The following FBLN5 variants were observed in gnomAD, a reference collection of about 807,000 sequenced individuals.
FBLN5 encodes the protein fibulin 5.
FBLN5 carries 24 observed loss-of-function variants against 61.6 expected under a neutral mutation model. The ratio of observed to expected loss-of-function variants is 0.39; its 90% CI spans 0.28 to 0.55. The LOEUF is 0.55. FBLN5 is among the 20% of genes least tolerant of loss of function. The probability of loss-of-function intolerance (pLI) is 0.65; values close to 1 mark genes in which losing one functional copy is unlikely to be tolerated. For synonymous variants in FBLN5, 213 were observed against 219.8 expected, an observed-to-expected ratio of 0.97 and a Z score of 0.27; for missense variants, 470 against 594.1, an observed-to-expected ratio of 0.79 and a Z score of 2.17.
At chr14:91,872,194 A>G (rs1292590513) in intron 10 of FBLN5, among the ~76,000 whole-genome samples, 1 of 152,216 alleles carries the variant, frequency 6.6e-6, no homozygotes, top group Non-Finnish European at 1.5e-5. Flanking sequence ...AGGGTTACCC[A>G]GCTAGTCTTG....
chr14:91,931,937 T>A (rs1170893982), intron 4 of FBLN5, among the ~76,000 whole-genome samples: 1 of 152,106 alleles, frequency 6.6e-6, no homozygotes, highest in African/African-American at 2.4e-5. Flanking sequence ...CACCACACCA[T>A]CCTCAGCCCC....
At chr14:91,909,542 G>A (rs1890832918) in intron 4 of FBLN5, among the ~76,000 whole-genome samples, 1 of 152,158 alleles carries the variant, frequency 6.6e-6, no homozygotes, top group Non-Finnish European at 1.5e-5. Flanking sequence ...TGGAGCTTTT[G>A]GGAGGTAAAT....
intron 4 of FBLN5, among the ~76,000 whole-genome samples, chr14:91,898,919 A>C (rs1489726995): frequency 6.8e-6 from 1 of 147,900 alleles, no homozygotes; most frequent in Non-Finnish European, 1.5e-5. Context: ...CTTCTGCCTC[A>C]GCCTCCCGAG....
chr14:91,885,249 A>G (rs1156558430), intron 7 of FBLN5, among the ~76,000 whole-genome samples: 1 of 152,246 alleles, frequency 6.6e-6, no homozygotes, highest in Non-Finnish European at 1.5e-5. Context: ...GAGAACATGG[A>G]GGACAAGTTG....
chr14:91,942,213 T>C, intron 2 of FBLN5: 1 of 455,756 alleles, frequency 2.2e-6, no homozygotes, highest in Non-Finnish European at 4.4e-6. Flanking sequence ...TGCAAGCTTC[T>C]TCCAGAACCC....
Position 91,895,062 on chromosome 14 carries a change from C to A in FBLN5, c.390G>T (p.Glu130Asp). The change falls in exon 5 of 11, where the codon GAG (glutamate) becomes GAT (aspartate). Residue 130 changes from glutamate (E) to aspartate (D), a missense_variant. Physicochemically the swap from Glu to Asp is conservative, Grantham distance 45. Transcript: ENST00000342058. ...TGCACTGGTGGGAATCTGTTGCACACTCGTCCACATCTGTAATACAGACAT... is the reference window on the plus strand; with the variant it reads ...TGCACTGGTGGGAATCTGTTGCACAATCGTCCACATCTGTAATACAGACAT... ...DESNQCVDVD[E>D]CATDSHQCNP... 6.2e-7 allele frequency: 1 copy of A among 1,614,148 alleles called. No homozygotes were observed. The highest frequency in any genetic ancestry group is 8.5e-7 in the Non-Finnish European group (1 of 1,179,996).
intron 4 of FBLN5, among the ~76,000 whole-genome samples, chr14:91,927,697 G>A (rs971536384): frequency 3.9e-5 from 6 of 152,344 alleles, no homozygotes; most frequent in Non-Finnish European, 7.3e-5. Context: ...AACCTGGCAG[G>A]TAACTTCAAC....
chr14:91,907,402 C>A (rs1890726563), intron 4 of FBLN5, among the ~76,000 whole-genome samples: 1 of 152,164 alleles, frequency 6.6e-6, no homozygotes, highest in African/African-American at 2.4e-5. Flanking sequence ...CCTATCTAAA[C>A]CAGCGTTTTC....
At chr14:91,881,674 T>C (rs1034906689) in intron 8 of FBLN5, among the ~76,000 whole-genome samples, 7 of 152,102 alleles carry the variant, frequency 4.6e-5, no homozygotes, top group African/African-American at 1.4e-4. Context: ...ACGTCTGTAA[T>C]CCCGGTACAT....
chr14:91,933,413 A>G (rs1049294557), intron 4 of FBLN5, among the ~76,000 whole-genome samples: 3 of 152,088 alleles, frequency 2.0e-5, no homozygotes, highest in South Asian at 2.1e-4. Flanking sequence ...TAGCTGGGAA[A>G]ACAGGTGCAT....
chr14:91,881,259 G>C (rs377147678), intron 9 of FBLN5, 33 bp downstream of exon 9: 19 of 1,613,186 alleles, frequency 1.2e-5, no homozygotes, highest in East Asian at 6.7e-5. Context: ...CCCTCATCAG[G>C]TTTCTATTCC....
At chr14:91,937,328 A>C in intron 3 of FBLN5, 127 bp from the exon 4 acceptor site, 117 of 1,230,518 alleles carry the variant, frequency 9.5e-5, no homozygotes, top group Non-Finnish European at 1.2e-4. Flanking sequence ...GTCCCAACTC[A>C]TCGCGGTAAG....
chr14:91,920,110 C>T (rs2055708515), intron 4 of FBLN5, among the ~76,000 whole-genome samples: 1 of 152,208 alleles, frequency 6.6e-6, no homozygotes, highest in African/African-American at 2.4e-5. Flanking sequence ...TGCTGGAATG[C>T]AATCCTGGCA....
chr14:91,894,421 A>AAC (rs1890128531), intron 5 of FBLN5, among the ~76,000 whole-genome samples: 2 of 143,752 alleles, frequency 1.4e-5, no homozygotes, highest in Non-Finnish European at 3.0e-5. Flanking sequence ...AAAAAAAAAA[A>AAC]AAAAAACCGA....
intron 4 of FBLN5, 75 bp from the exon 5 acceptor site, chr14:91,895,147 G>T: frequency 6.3e-7 from 1 of 1,583,682 alleles, no homozygotes; most frequent in Non-Finnish European, 8.7e-7. Flanking sequence ...GGTGCCAGTG[G>T]CTCATCTTGG....
rs1890342933 is a variant in FBLN5, at chr14:91,898,968, AT to A, written c.380-3897del. Among the ~76,000 whole-genome samples, 5 of 151,350 alleles carry A rather than the reference AT, an allele frequency of 3.3e-5. No homozygotes were observed. In the South Asian group the frequency reaches 1.0e-3, roughly 32 times the overall value. On this transcript the variant is annotated intron_variant, in intron 4 of 10. Transcript: ENST00000342058. ...AGGTGCCCACCACCACGCCCGGCTA[AT>A]TTTTTTGTATTTTTAGTAGAGATGG...
At chr14:91,880,833 G>A (rs112968635) in intron 9 of FBLN5, among the ~76,000 whole-genome samples, 4 of 152,172 alleles carry the variant, frequency 2.6e-5, no homozygotes, top group East Asian at 1.9e-4. Flanking sequence ...TTACAGTCAT[G>A]AGCCACCGTG....
At chr14:91,907,070 A>G (rs1342113858) in intron 4 of FBLN5, among the ~76,000 whole-genome samples, 1 of 152,242 alleles carries the variant, frequency 6.6e-6, no homozygotes, top group Non-Finnish European at 1.5e-5. Flanking sequence ...AGCAGAGACT[A>G]TCATCTGCCA....
At chr14:91,894,309 A>G (rs1890117252) in intron 5 of FBLN5, among the ~76,000 whole-genome samples, 1 of 145,736 alleles carries the variant, frequency 6.9e-6, no homozygotes, top group Non-Finnish European at 1.5e-5. Context: ...AGGCTGAGGC[A>G]GGAGAATCAC....
Sources: gnomAD v4.1 joint callset for allele counts (sites outside exome capture counted in the v4.1 genomes callset) on GRCh38, gnomAD v4.1.1 for gene constraint, MANE v1.5 for transcripts, NCBI Gene and HGNC (gene_info 2026-07-23, HGNC 2026-07-21) for gene names.